FUT8: variants seen among roughly 807,000 people sequenced by gnomAD.
FUT8 encodes the protein fucosyltransferase 8.
In FUT8, 29 loss-of-function variants were observed where a neutral mutation model predicts 71.3. The ratio of observed to expected loss-of-function variants is 0.41; its 90% CI spans 0.30 to 0.55. The LOEUF (loss-of-function observed/expected upper bound fraction) is 0.55. Among genes scored for constraint, FUT8 ranks in the 20% least tolerant of loss-of-function variants. FUT8 has a pLI of 0.34. For missense variants in FUT8, 544 were observed against 702.1 expected (o/e 0.77, Z 2.55); for synonymous variants, 254 against 239.3 (o/e 1.06, Z -0.57).
chr14:65,359,337 T>A, the FUT8 span, among the ~76,000 whole-genome samples: 13 of 152,306 alleles, frequency 8.5e-5, no homozygotes, highest in African/African-American at 2.6e-4. Context: ...CAGCAAAACA[T>A]ACATAACATA....
chr14:65,605,667 CTGT>C (rs1223217980), intron 3 of FUT8, among the ~76,000 whole-genome samples: 1 of 152,010 alleles, frequency 6.6e-6, no homozygotes, highest in Admixed American at 6.6e-5. Flanking sequence ...AAATAAATTT[CTGT>C]TGTTTAAGCC....
At chr14:65,408,117 G>A (rs1328143946), upstream of FUT8, among the ~76,000 whole-genome samples, 1 of 152,062 alleles carries the variant, frequency 6.6e-6, no homozygotes, top group African/African-American at 2.4e-5. Flanking sequence ...AAATCTCAGT[G>A]GCTTAAACTA....
At chr14:65,385,335 TG>T in the FUT8 span, among the ~76,000 whole-genome samples, 1 of 144,960 alleles carries the variant, frequency 6.9e-6, no homozygotes, top group Non-Finnish European at 1.5e-5. Flanking sequence ...CTTTAATTTT[TG>T]TATGCACTAT....
At chr14:65,481,673 G>A (rs2066333189) in intron 2 of FUT8, among the ~76,000 whole-genome samples, 1 of 151,788 alleles carries the variant, frequency 6.6e-6, no homozygotes, top group Non-Finnish European at 1.5e-5. Flanking sequence ...TATAAATTTA[G>A]TGCCTTTTCT....
chr14:65,585,562 T>G (rs1887336695), intron 3 of FUT8, among the ~76,000 whole-genome samples: 2 of 152,222 alleles, frequency 1.3e-5, no homozygotes, highest in Admixed American at 1.3e-4. Flanking sequence ...GGAAGTAACA[T>G]AAACATGTAC....
intron 6 of FUT8, among the ~76,000 whole-genome samples, chr14:65,654,557 C>T (rs1891570530): frequency 6.6e-6 from 1 of 150,830 alleles, no homozygotes; most frequent in South Asian, 2.1e-4. Flanking sequence ...TGCCACTACA[C>T]TCCAGCCTGG....
intron 2 of FUT8, among the ~76,000 whole-genome samples, chr14:65,555,512 C>G (rs972183055): frequency 1.3e-5 from 2 of 152,184 alleles, no homozygotes; most frequent in African/African-American, 4.8e-5. Context: ...TATCTACCTC[C>G]TCTTTAGTAT....
At chr14:65,571,838 A>G (rs1457951912) in intron 3 of FUT8, among the ~76,000 whole-genome samples, 1 of 152,154 alleles carries the variant, frequency 6.6e-6, no homozygotes, top group East Asian at 1.9e-4. Context: ...TGTTCTATTT[A>G]GAACACTGTG....
At chr14:65,449,943 C>A (rs1340851027) in intron 1 of FUT8, among the ~76,000 whole-genome samples, 1 of 152,196 alleles carries the variant, frequency 6.6e-6, no homozygotes, top group Non-Finnish European at 1.5e-5. Flanking sequence ...CTTTTATTAT[C>A]AACACAGTAC....
chr14:65,541,453 C>T lies in FUT8; in HGVS notation c.-227-19884C>T, dbSNP rs192083201. 1.6e-3 allele frequency among the ~76,000 whole-genome samples: 238 copies of T among 152,264 alleles called. 2 individuals carry two copies. The highest frequency in any genetic ancestry group is 0.015 in the Admixed American group (232 of 15,296). On this transcript the variant is annotated intron_variant, in intron 2 of 10. Transcript: ENST00000673929. ...GTCTCAGTTCAAGGTGGAAGGCCTT[C>T]GGAGGGGATTGCTGCTGCTGGATAA...
intron 3 of FUT8, among the ~76,000 whole-genome samples, chr14:65,599,530 T>C (rs1888187792): frequency 6.6e-6 from 1 of 152,226 alleles, no homozygotes; most frequent in African/African-American, 2.4e-5. Flanking sequence ...GGCAAGCTGC[T>C]TTAGTTTGGA....
chr14:65,532,365 A>G (rs527622667), intron 2 of FUT8, among the ~76,000 whole-genome samples: 35 of 152,238 alleles, frequency 2.3e-4, no homozygotes, highest in Non-Finnish European at 4.1e-4. Context: ...CATTTCTTTA[A>G]TGATTAGTGA....
intron 6 of FUT8, among the ~76,000 whole-genome samples, chr14:65,666,342 G>C (rs905175355): frequency 1.3e-5 from 2 of 152,018 alleles, no homozygotes; most frequent in Non-Finnish European, 2.9e-5. Context: ...GAGAAGTTAA[G>C]GGAACATCAC....
the FUT8 span, among the ~76,000 whole-genome samples, chr14:65,399,209 C>G: frequency 6.6e-6 from 1 of 152,116 alleles, no homozygotes; most frequent in Non-Finnish European, 1.5e-5. Flanking sequence ...CCCAGCTACT[C>G]AGGAGGCTAA....
intron 7 of FUT8, among the ~76,000 whole-genome samples, chr14:65,701,584 CATACAAATAAATTAAATTTGA>C: frequency 6.6e-6 from 1 of 152,294 alleles, no homozygotes; most frequent in African/African-American, 2.4e-5. Context: ...CTAAATGTGT[CATACAAATAAATTAAATTTGA>C]GATAAGCTGT....
chr14:65,664,165 A>C (rs567921212), intron 6 of FUT8, among the ~76,000 whole-genome samples: 1 of 152,124 alleles, frequency 6.6e-6, no homozygotes, highest in Non-Finnish European at 1.5e-5. Flanking sequence ...CAGGTACTCT[A>C]TTTCTCATGA....
At chr14:65,394,078 T>C in the FUT8 span, among the ~76,000 whole-genome samples, 1 of 152,190 alleles carries the variant, frequency 6.6e-6, no homozygotes, top group African/African-American at 2.4e-5. Flanking sequence ...TGCCTCAGCC[T>C]CCCACGTAGC....
At chr14:65,732,316 G>A (rs954183614) in intron 9 of FUT8, among the ~76,000 whole-genome samples, 4 of 152,210 alleles carry the variant, frequency 2.6e-5, no homozygotes, top group Non-Finnish European at 5.9e-5. Flanking sequence ...CCCAGGCATA[G>A]GTAGCACTGA....
chr14:65,433,148 T>C (rs1030308214), intron 1 of FUT8, among the ~76,000 whole-genome samples: 1 of 152,228 alleles, frequency 6.6e-6, no homozygotes, highest in Non-Finnish European at 1.5e-5. Flanking sequence ...GTTGGGATCC[T>C]GTAACAAAAC....
Sources: gnomAD v4.1 joint callset for allele counts (sites outside exome capture counted in the v4.1 genomes callset) on GRCh38, gnomAD v4.1.1 for gene constraint, MANE v1.5 for transcripts, NCBI Gene and HGNC (gene_info 2026-07-23, HGNC 2026-07-21) for gene names.